PRIM2: variants seen among roughly 807,000 people sequenced by gnomAD.
The protein encoded by PRIM2 is DNA primase large subunit.
In PRIM2, 39 loss-of-function variants were observed where a neutral mutation model predicts 67.3. That is an observed-to-expected ratio of 0.58 (90% CI 0.45 to 0.76). PRIM2 has a LOEUF of 0.76. PRIM2 is among the 30% of genes least tolerant of loss of function. The pLI, the probability that PRIM2 is intolerant of heterozygous loss-of-function variation, is 0.00. For synonymous variants in PRIM2, 143 were observed against 198.7 expected (o/e 0.72, Z 2.36); for missense variants, 398 against 598.7 (o/e 0.66, Z 3.50).
rs1554336526 is a variant in PRIM2, at chr6:57,422,158, C to CTTTTTTTCTTTTT, written c.693+39997_693+39998insCTTTTTTTTTTTT. 4.8e-5 allele frequency among the ~76,000 whole-genome samples: 5 copies of CTTTTTTTCTTTTT among 103,318 alleles called. 1 individual carries two copies. The highest frequency in any genetic ancestry group is 7.8e-5 in the Non-Finnish European group (4 of 51,450). The allele number at this position is 103,318 out of a possible 152,430, so 67.8% of individuals were successfully genotyped here. A position where few individuals can be genotyped will look rare whatever the true frequency, so the allele number is the denominator to read the frequency against. On this transcript the variant is annotated intron_variant, in intron 7 of 13. Coordinates refer to ENST00000615550, the MANE Select transcript of PRIM2 (RefSeq NM_000947.5). ...AAATTCAAAAGTATTTCTTTTCTTTCTTTTTTTTTTTTTTGAGATGGAGTC... is the reference window on the plus strand; with the variant it reads ...AAATTCAAAAGTATTTCTTTTCTTTCTTTTTTTCTTTTTTTTTTTTTTTTTTTGAGATGGAGTC...
chr6:57,418,636 G>A (rs1190203979), intron 7 of PRIM2, among the ~76,000 whole-genome samples: 5 of 151,714 alleles, frequency 3.3e-5, no homozygotes, highest in Non-Finnish European at 7.4e-5. Flanking sequence ...TCTTGACCTC[G>A]TGATCCACCC....
intron 7 of PRIM2, among the ~76,000 whole-genome samples, chr6:57,478,201 A>T (rs1773524441): frequency 6.6e-6 from 1 of 152,084 alleles, no homozygotes; most frequent in African/African-American, 2.4e-5. Flanking sequence ...TAAAAAAATT[A>T]CTCTATATTC....
chr6:57,526,693 A>C lies in PRIM2; in HGVS notation c.762-5718A>C, dbSNP rs1774761277. On this transcript the variant is annotated intron_variant, in intron 8 of 13. Coordinates refer to ENST00000615550, the MANE Select transcript of PRIM2 (RefSeq NM_000947.5). ...GCTTACTGAATCCCTTACTTAAAAAACTATGTTGGTGACAGTGAATGTCTC... is the reference window on the plus strand; with the variant it reads ...GCTTACTGAATCCCTTACTTAAAAACCTATGTTGGTGACAGTGAATGTCTC... Among the ~76,000 whole-genome samples the C allele has an allele frequency of 7.2e-5, 11 of 152,346 alleles. No individual in the cohort carries two copies. In the South Asian group the frequency reaches 2.3e-3, roughly 32 times the overall value.
chr6:57,334,270 G>A (rs151001113), intron 5 of PRIM2, among the ~76,000 whole-genome samples: 9 of 151,626 alleles, frequency 5.9e-5, no homozygotes, highest in Middle Eastern at 3.4e-3. Flanking sequence ...ATATTATTCC[G>A]TTATGTATAT....
intron 7 of PRIM2, among the ~76,000 whole-genome samples, chr6:57,436,557 T>C (rs943392711): frequency 2.0e-5 from 3 of 152,212 alleles, no homozygotes; most frequent in Admixed American, 2.0e-4. Flanking sequence ...TACAGACTGA[T>C]TTAACTTAGT....
Position 57,320,551 on chromosome 6 carries a change from T to G in PRIM2, c.249T>G (p.Phe83Leu). Residue 83 changes from phenylalanine (F) to leucine (L), a missense_variant, in exon 3 of 14, where the codon TTT (phenylalanine) becomes TTG (leucine). Phe to Leu is a conservative substitution (Grantham distance 22). Coordinates refer to ENST00000615550, the MANE Select transcript of PRIM2 (RefSeq NM_000947.5). ...AGAGTGAGCTTCGGAAGCTCAAGTT[T>G]TCCTACAGAGTAAGTAAAAAAGGAA... ...KLESELRKLK[F>L]SYRENLEDEY... 6.2e-7 allele frequency: 1 copy of G among 1,602,560 alleles called. No individual in the cohort carries two copies. Among genetic ancestry groups the G allele is most frequent in the Non-Finnish European group, 8.5e-7 (1 of 1,175,916 alleles).
intron 10 of PRIM2, among the ~76,000 whole-genome samples, chr6:57,566,120 GT>G (rs1237260588): frequency 2.7e-5 from 4 of 145,662 alleles, no homozygotes; most frequent in African/African-American, 1.0e-4. Flanking sequence ...CACATTTTGG[GT>G]TTATTTGTTT....
At chr6:57,257,976 G>A in the PRIM2 span, among the ~76,000 whole-genome samples, 21 of 152,228 alleles carry the variant, frequency 1.4e-4, no homozygotes, top group Admixed American at 2.6e-4. Flanking sequence ...TCCTTCCCCA[G>A]GATTCTCTCC....
chr6:57,247,200 T>A, the PRIM2 span, among the ~76,000 whole-genome samples: 2 of 152,182 alleles, frequency 1.3e-5, no homozygotes, highest in Non-Finnish European at 2.9e-5. Context: ...ATCCATCGTC[T>A]TTCCTACGTG....
intron 7 of PRIM2, among the ~76,000 whole-genome samples, chr6:57,452,150 A>G (rs1772576672): frequency 6.6e-6 from 1 of 152,118 alleles, no homozygotes; most frequent in South Asian, 2.1e-4. Context: ...TCCGTGGTAT[A>G]TATGTGCCAC....
At chr6:57,334,799 C>G (rs1019113773) in intron 5 of PRIM2, among the ~76,000 whole-genome samples, 2 of 152,088 alleles carry the variant, frequency 1.3e-5, no homozygotes, top group African/African-American at 4.8e-5. Flanking sequence ...GCAGCATATG[C>G]CTGTATTGTG....
intron 5 of PRIM2, among the ~76,000 whole-genome samples, chr6:57,365,414 C>T (rs1264980982): frequency 1.3e-5 from 2 of 151,182 alleles, no homozygotes; most frequent in African/African-American, 4.9e-5. Flanking sequence ...TAATTATTAG[C>T]GGAATTGAAC....
intron 12 of PRIM2, among the ~76,000 whole-genome samples, chr6:57,607,481 A>T (rs1477112092): frequency 6.6e-6 from 1 of 152,214 alleles, no homozygotes; most frequent in African/African-American, 2.4e-5. Flanking sequence ...CCTTTATGGA[A>T]GAGATGCCCT....
In PRIM2 at chr6:57,605,572, T is replaced by C. The variant is rs1416376845; in HGVS notation, c.1148-803T>C. On this transcript the variant is annotated intron_variant, in intron 11 of 13. Coordinates refer to ENST00000615550, the MANE Select transcript of PRIM2 (RefSeq NM_000947.5). ...CTAATTTGTGAAAAATGCACAATTA[T>C]TAACTTACAAATCTGTCATCTGTAT... 2.6e-5 allele frequency among the ~76,000 whole-genome samples: 4 copies of C among 152,316 alleles called. No individual in the cohort carries two copies. In the East Asian group the frequency reaches 7.7e-4, roughly 29 times the overall value.
intron 7 of PRIM2, among the ~76,000 whole-genome samples, chr6:57,434,819 T>C (rs1771960548): frequency 6.6e-6 from 1 of 151,980 alleles, no homozygotes; most frequent in Non-Finnish European, 1.5e-5. Flanking sequence ...CCTTGCTCTG[T>C]CCCCCAGGCT....
chr6:57,399,144 ACTCAT>A (rs1770621257), intron 7 of PRIM2, among the ~76,000 whole-genome samples: 1 of 151,856 alleles, frequency 6.6e-6, no homozygotes, highest in South Asian at 2.1e-4. Flanking sequence ...GCACCCATTA[ACTCAT>A]CATTTACATT....
chr6:57,462,548 AG>A (rs1303838256), intron 7 of PRIM2, among the ~76,000 whole-genome samples: 1 of 152,184 alleles, frequency 6.6e-6, no homozygotes, highest in Non-Finnish European at 1.5e-5. Context: ...GGATTTGGTC[AG>A]GGGTTATGTA....
chr6:57,221,629 G>A, the PRIM2 span: 6 of 152,582 alleles, frequency 3.9e-5, no homozygotes, highest in East Asian at 1.9e-4. Flanking sequence ...CGGGACTTGG[G>A]GCAGGCAAAA....
the PRIM2 span, among the ~76,000 whole-genome samples, chr6:57,270,027 A>G: frequency 5.9e-5 from 9 of 152,142 alleles, no homozygotes; most frequent in African/African-American, 2.2e-4. Flanking sequence ...TGTTTTGGTT[A>G]CTGTAGCCTT....
Sources: allele counts gnomAD v4.1 joint callset (sites outside exome capture counted in the v4.1 genomes callset), GRCh38; gene constraint gnomAD v4.1.1; transcripts MANE v1.5; gene names NCBI Gene and HGNC (gene_info 2026-07-23, HGNC 2026-07-21).